The following TMTC1 variants were observed in gnomAD, a reference collection of about 807,000 sequenced individuals.
The protein encoded by TMTC1 is protein O-mannosyl-transferase TMTC1.
A neutral mutation model predicts 104.8 loss-of-function variants in TMTC1; 73 were observed. The ratio of observed to expected loss-of-function variants is 0.70; its 90% CI spans 0.58 to 0.85. The LOEUF is 0.85. TMTC1 is among the 40% of genes least tolerant of loss of function. The pLI, the probability that TMTC1 is intolerant of heterozygous loss-of-function variation, is 0.00. For missense variants in TMTC1, 1,035 were observed against 1,096.1 expected, an observed-to-expected ratio of 0.94 and a Z score of 0.79; for synonymous variants, 434 against 428.7, an observed-to-expected ratio of 1.01 and a Z score of -0.15.
chr12:29,736,415 T>TTCTC (rs557637330), intron 5 of TMTC1, among the ~76,000 whole-genome samples: 6 of 151,740 alleles, frequency 4.0e-5, no homozygotes, highest in Non-Finnish European at 8.8e-5. Flanking sequence ...CTTACTTAAA[T>TTCTC]TCTCTCTCTC....
At chr12:29,710,675 A>T (rs1217802337) in intron 5 of TMTC1, among the ~76,000 whole-genome samples, 1 of 138,512 alleles carries the variant, frequency 7.2e-6, no homozygotes, top group Non-Finnish European at 1.5e-5. Flanking sequence ...TTTTATATTT[A>T]TATATTTATA....
chr12:29,685,928 G>GC (rs1321199734), intron 5 of TMTC1, among the ~76,000 whole-genome samples: 5 of 114,940 alleles, frequency 4.4e-5, no homozygotes, highest in African/African-American at 1.7e-4. Flanking sequence ...TAGCAAGATT[G>GC]TTAAAAAAAA....
intron 11 of TMTC1, chr12:29,521,155 TTGTTTTCTAGC>T (rs1944144120): frequency 5.9e-6 from 1 of 170,340 alleles, no homozygotes; most frequent in Non-Finnish European, 1.2e-5. Flanking sequence ...TCTGGGGAAT[TTGTTTTCTAGC>T]TGCATTTGGA....
chr12:29,783,110 C>A lies in TMTC1; in HGVS notation c.302+340G>T. The A allele has an allele frequency of 3.6e-6, 1 of 274,446 alleles. No individual in the cohort carries two copies. The highest frequency in any genetic ancestry group is 6.8e-6 in the Non-Finnish European group (1 of 146,884). 17.0% of individuals were successfully genotyped at this position (274,446 alleles called of 1,614,324 possible). ...GAACCCTCTGGGTCCGCGCTAGTCC[C>A]ACTTGGTCACGATCCGGCAGGCGAA... is the stretch of plus-strand genomic sequence containing the variant. On this transcript the variant is annotated intron_variant, in intron 1 of 17. Transcript: ENST00000539277. The surrounding 1 kb of genome is among the most constrained non-coding windows in gnomAD (Gnocchi z 4.7).
intron 5 of TMTC1, among the ~76,000 whole-genome samples, chr12:29,743,324 C>G (rs1164615587): frequency 1.3e-5 from 2 of 152,082 alleles, no homozygotes; most frequent in African/African-American, 4.8e-5. Context: ...AAATTGTAAG[C>G]CACCTGTAAA....
intron 9 of TMTC1, among the ~76,000 whole-genome samples, chr12:29,563,086 T>G (rs1446381241): frequency 2.6e-5 from 4 of 152,244 alleles, no homozygotes; most frequent in African/African-American, 9.6e-5. Context: ...AGTTCTCAGA[T>G]GTGAAGGGCA....
rs570941517 is a variant in TMTC1 at position 29,655,161 on chromosome 12, G to A, written c.939-21825C>T. On this transcript the variant is annotated intron_variant, in intron 5 of 17. Transcript: ENST00000539277. ...CTCCCAAAGTGCTGGGATTACAGGT[G>A]TGAGCCACCGCACCTGGCCATATGA... Among the ~76,000 whole-genome samples the A allele has an allele frequency of 6.6e-5, 10 of 152,248 alleles. No homozygotes were observed. In the South Asian group the frequency reaches 2.1e-3, roughly 32 times the overall value.
At chr12:29,593,272 T>C (rs963793292) in intron 7 of TMTC1, among the ~76,000 whole-genome samples, 1 of 152,234 alleles carries the variant, frequency 6.6e-6, no homozygotes, top group East Asian at 1.9e-4. Flanking sequence ...AATGAAATAA[T>C]GTATGTAAAC....
At chr12:29,588,571 C>T (rs1946201130) in intron 7 of TMTC1, among the ~76,000 whole-genome samples, 1 of 152,190 alleles carries the variant, frequency 6.6e-6, no homozygotes, top group African/African-American at 2.4e-5. Context: ...AAGAACATAT[C>T]AGTGAACCAA....
chr12:29,762,154 G>C (rs1943366051), intron 2 of TMTC1, among the ~76,000 whole-genome samples: 1 of 152,152 alleles, frequency 6.6e-6, no homozygotes, highest in South Asian at 2.1e-4. Context: ...GCCCCAGCCT[G>C]GGCGACAGAG....
intron 5 of TMTC1, among the ~76,000 whole-genome samples, chr12:29,750,272 C>A (rs1030738126): frequency 3.3e-5 from 5 of 152,136 alleles, no homozygotes; most frequent in Admixed American, 2.0e-4. Flanking sequence ...ACTGGCAATT[C>A]ACCTCATTCA....
At chr12:29,678,006 G>A (rs1231484865) in intron 5 of TMTC1, among the ~76,000 whole-genome samples, 4 of 152,116 alleles carry the variant, frequency 2.6e-5, no homozygotes, top group African/African-American at 4.8e-5. Context: ...CATGGTTTCC[G>A]GCATTCACTG....
intron 7 of TMTC1, among the ~76,000 whole-genome samples, chr12:29,587,919 C>A (rs1455425597): frequency 6.6e-6 from 1 of 152,156 alleles, no homozygotes; most frequent in Non-Finnish European, 1.5e-5. Flanking sequence ...CCTAAACACA[C>A]CTCCTTAAAA....
chr12:29,502,506 A>T lies in TMTC1; in HGVS notation c.*4340T>A, dbSNP rs1943615834. 1 of 152,148 alleles carries T rather than the reference A, an allele frequency of 6.6e-6. No individual in the cohort carries two copies. The highest frequency in any genetic ancestry group is 6.5e-5 in the Admixed American group (1 of 15,270). The allele number at this position is 152,148 out of a possible 1,614,324, so 9.4% of individuals were successfully genotyped here. A position where few individuals can be genotyped will look rare whatever the true frequency, so the allele number is the denominator to read the frequency against. On this transcript the variant is annotated 3_prime_UTR_variant, in exon 18 of 18. Transcript: ENST00000539277. ...TATATATACTGGCACTTAGTCTGGT[A>T]CATGCAAATTTCAAGGCAATTCCTC... is the stretch of plus-strand genomic sequence containing the variant.
intron 5 of TMTC1, among the ~76,000 whole-genome samples, chr12:29,725,418 C>T (rs1452826767): frequency 3.3e-5 from 5 of 152,080 alleles, no homozygotes; most frequent in Non-Finnish European, 5.9e-5. Flanking sequence ...ACTGCAACCT[C>T]AGCCTCCCAG....
intron 11 of TMTC1, chr12:29,521,204 T>C: frequency 6.5e-6 from 1 of 154,998 alleles, no homozygotes; most frequent in Non-Finnish European, 1.4e-5. Context: ...ATCTATATAC[T>C]GTACTGCTTG....
intron 5 of TMTC1, chr12:29,640,589 T>G (rs1006747): frequency 6.6e-6 from 1 of 151,970 alleles, no homozygotes; most frequent in East Asian, 1.9e-4. Flanking sequence ...GAGAGCCAAG[T>G]GAAATACTGG....
chr12:29,645,781 C>T (rs1939240385), intron 5 of TMTC1, among the ~76,000 whole-genome samples: 1 of 152,164 alleles, frequency 6.6e-6, no homozygotes, highest in East Asian at 1.9e-4. Context: ...CTCAGGTCTC[C>T]AGGTCTCTAT....
intron 5 of TMTC1, among the ~76,000 whole-genome samples, chr12:29,663,037 G>C (rs1370414351): frequency 6.6e-6 from 1 of 152,168 alleles, no homozygotes; most frequent in Non-Finnish European, 1.5e-5. Context: ...GATAGCTACT[G>C]TCCCAAAATG....
Sources: gnomAD v4.1 joint callset for allele counts (sites outside exome capture counted in the v4.1 genomes callset) on GRCh38, gnomAD v4.1.1 for gene constraint, Gnocchi (gnomAD v3.1) non-coding constraint, MANE v1.5 for transcripts, NCBI Gene and HGNC (gene_info 2026-07-23, HGNC 2026-07-21) for gene names.